NALF1: variants seen among roughly 807,000 people sequenced by gnomAD.
The protein encoded by NALF1 is NALCN channel auxiliary factor 1.
A neutral mutation model predicts 48.4 loss-of-function variants in NALF1; 3 were observed. That is an observed-to-expected ratio of 0.06 (90% CI 0.03 to 0.16). NALF1 has a LOEUF of 0.16. Ranked by LOEUF, NALF1 falls within the 10% of genes least tolerant of loss-of-function variation. The pLI is 1.00. For synonymous variants in NALF1, 262 were observed against 245.7 expected (o/e 1.07, Z -0.62); for missense variants, 526 against 571.5 (o/e 0.92, Z 0.81).
intron 1 of NALF1, among the ~76,000 whole-genome samples, chr13:107,433,744 AAT>A (rs1188454832): frequency 6.6e-6 from 1 of 152,192 alleles, no homozygotes; most frequent in Non-Finnish European, 1.5e-5. Context: ...TACTATCAGA[AAT>A]TCTCAGAGAA....
intron 1 of NALF1, among the ~76,000 whole-genome samples, chr13:107,554,651 T>C (rs1877402655): frequency 6.6e-6 from 1 of 152,188 alleles, no homozygotes; most frequent in Admixed American, 6.5e-5. Flanking sequence ...TTGGATGTAT[T>C]ATTTACACAG....
At chr13:107,365,167 T>C (rs1424304679) in intron 1 of NALF1, among the ~76,000 whole-genome samples, 1 of 151,504 alleles carries the variant, frequency 6.6e-6, no homozygotes, top group African/African-American at 2.4e-5. Context: ...TTGAAAACGC[T>C]TACCAATGTG....
chr13:107,202,888 G>A (rs994414493), intron 2 of NALF1, among the ~76,000 whole-genome samples: 3 of 152,198 alleles, frequency 2.0e-5, no homozygotes, highest in African/African-American at 7.2e-5. Context: ...GCTGGACTAA[G>A]AGCCAGGAAA....
chr13:107,847,066 T>C (rs962445454), intron 1 of NALF1, among the ~76,000 whole-genome samples: 2 of 152,170 alleles, frequency 1.3e-5, no homozygotes, highest in African/African-American at 2.4e-5. Flanking sequence ...AGGCAAACTT[T>C]AGAGTTGATT....
rs180824851 is a variant in NALF1, at chr13:107,446,480, G to A, written c.916-235725C>T. Among the ~76,000 whole-genome samples the A allele has an allele frequency of 5.3e-5, 8 of 151,268 alleles. No individual in the cohort carries two copies. In the East Asian group the frequency reaches 1.2e-3, roughly 22 times the overall value. ...TTACACCCTGTATGATACTGTGCTC[G>A]TTACTTTCTAGAATTTAACATACTA... On this transcript the variant is annotated intron_variant, in intron 1 of 2. Coordinates refer to ENST00000375915, the MANE Select transcript of NALF1 (RefSeq NM_001080396.3).
At chr13:107,524,290 A>C (rs1876353614) in intron 1 of NALF1, among the ~76,000 whole-genome samples, 1 of 152,174 alleles carries the variant, frequency 6.6e-6, no homozygotes, top group African/African-American at 2.4e-5. Context: ...GAAGTGAGCC[A>C]GTTGATTGAA....
intron 1 of NALF1, among the ~76,000 whole-genome samples, chr13:107,238,888 G>C (rs534801945): frequency 6.6e-6 from 1 of 152,214 alleles, no homozygotes; most frequent in South Asian, 2.1e-4. Flanking sequence ...TTTAAAAAGG[G>C]GGACCGTTAT....
chr13:107,321,276 G>C (rs995267734), intron 1 of NALF1, among the ~76,000 whole-genome samples: 2 of 152,058 alleles, frequency 1.3e-5, no homozygotes, highest in African/African-American at 2.4e-5. Context: ...AAGAGAACAG[G>C]CTGGCTAAAG....
At chr13:107,418,220 T>G (rs1286490075) in intron 1 of NALF1, among the ~76,000 whole-genome samples, 2 of 152,172 alleles carry the variant, frequency 1.3e-5, no homozygotes, top group Non-Finnish European at 2.9e-5. Flanking sequence ...ACTATCCCTA[T>G]GCAGGAAGTC....
intron 1 of NALF1, among the ~76,000 whole-genome samples, chr13:107,769,973 C>T (rs528613998): frequency 3.9e-5 from 6 of 152,274 alleles, no homozygotes; most frequent in East Asian, 3.9e-4. Flanking sequence ...AGTGCAGTGG[C>T]GCGGTCTCGG....
Position 107,844,505 on chromosome 13 carries a change from C to G in NALF1, c.915+21177G>C, listed in dbSNP as rs116511936. 2.3e-3 allele frequency among the ~76,000 whole-genome samples: 348 copies of G among 152,248 alleles called. 2 individuals are homozygous for G. The highest frequency in any genetic ancestry group is 7.9e-3 in the African/African-American group (329 of 41,560). ...AAAGAATATTCCACAATAAGTATAA[C>G]TGAATTCAATATTCAGTAGTTCTTG... On this transcript the variant is annotated intron_variant, in intron 1 of 2. Transcript: ENST00000375915.
intron 1 of NALF1, among the ~76,000 whole-genome samples, chr13:107,248,211 G>T (rs1880622063): frequency 6.7e-6 from 1 of 150,160 alleles, no homozygotes; most frequent in Admixed American, 6.6e-5. Context: ...CAGCAAAGGA[G>T]ATCGTCATAG....
At chr13:107,793,087 A>C (rs1242371015) in intron 1 of NALF1, among the ~76,000 whole-genome samples, 1 of 152,180 alleles carries the variant, frequency 6.6e-6, no homozygotes, top group African/African-American at 2.4e-5. Context: ...GTAAGATCCA[A>C]AGTATCATGT....
chr13:107,676,766 A>AT (rs1270954273), intron 1 of NALF1, among the ~76,000 whole-genome samples: 1 of 152,150 alleles, frequency 6.6e-6, no homozygotes, highest in African/African-American at 2.4e-5. Context: ...ATACATACAT[A>AT]TTTTTTTAAA....
intron 1 of NALF1, among the ~76,000 whole-genome samples, chr13:107,670,148 T>C (rs888527496): frequency 5.3e-5 from 8 of 152,170 alleles, no homozygotes; most frequent in African/African-American, 1.7e-4. Flanking sequence ...CCAGAGAATT[T>C]GCTGGTGTGC....
intron 1 of NALF1, among the ~76,000 whole-genome samples, chr13:107,860,933 G>A (rs1361791797): frequency 6.6e-6 from 1 of 152,064 alleles, no homozygotes; most frequent in African/African-American, 2.4e-5. Flanking sequence ...AATAAAAGAG[G>A]TTAAAAGCAA....
intron 1 of NALF1, among the ~76,000 whole-genome samples, chr13:107,358,745 G>A (rs561405810): frequency 6.6e-6 from 1 of 152,218 alleles, no homozygotes; most frequent in African/African-American, 2.4e-5. Flanking sequence ...CATTCTCCAT[G>A]TGACATCTTG....
rs117070140 is a variant in NALF1, at chr13:107,690,671, G to A, written c.915+175011C>T. 6.8e-3 allele frequency among the ~76,000 whole-genome samples: 1,034 copies of A among 152,234 alleles called. 7 individuals carry two copies. Among genetic ancestry groups the A allele is most frequent in the Admixed American group, 0.016 (246 of 15,284 alleles). ...CTTTTAGACTAGTTTACTAAATATG[G>A]TCAGAACAAACACTTTGAAGGAGAT... On this transcript the variant is annotated intron_variant, in intron 1 of 2. Coordinates refer to ENST00000375915, the MANE Select transcript of NALF1 (RefSeq NM_001080396.3).
At chr13:107,517,938 A>G (rs2139093503) in intron 1 of NALF1, among the ~76,000 whole-genome samples, 1 of 152,324 alleles carries the variant, frequency 6.6e-6, no homozygotes, top group Middle Eastern at 3.4e-3. Context: ...TGGATGACAC[A>G]GCGAGACACC....
Sources: gnomAD v4.1 joint callset for allele counts (sites outside exome capture counted in the v4.1 genomes callset) on GRCh38, gnomAD v4.1.1 for gene constraint, MANE v1.5 for transcripts, NCBI Gene and HGNC (gene_info 2026-07-23, HGNC 2026-07-21) for gene names.